ARB2A: variants seen among roughly 807,000 people sequenced by gnomAD.
ARB2A encodes cotranscriptional regulator ARB2A.
the ARB2A span, chr5:93,776,059 TA>T: frequency 2.1e-6 from 2 of 973,000 alleles, no homozygotes; most frequent in South Asian, 1.8e-5. Flanking sequence ...AACTCAAAGA[TA>T]AAAACAAACT....
At chr5:93,808,485 A>G in the ARB2A span, among the ~76,000 whole-genome samples, 1 of 152,002 alleles carries the variant, frequency 6.6e-6, no homozygotes, top group East Asian at 1.9e-4. Context: ...AATCATTCAA[A>G]ATGTAAAATT....
At chr5:93,693,843 A>G in the ARB2A span, among the ~76,000 whole-genome samples, 23 of 152,162 alleles carry the variant, frequency 1.5e-4, no homozygotes, top group African/African-American at 5.3e-4. Flanking sequence ...CTTATCCACC[A>G]CGATGTAGTC....
the ARB2A span, among the ~76,000 whole-genome samples, chr5:93,760,852 C>T: frequency 5.3e-5 from 8 of 152,164 alleles, no homozygotes; most frequent in South Asian, 1.7e-3. Context: ...ACAAGGATTT[C>T]ATGACCAAGA....
At chr5:93,905,337 T>A in the ARB2A span, among the ~76,000 whole-genome samples, 2 of 151,646 alleles carry the variant, frequency 1.3e-5, no homozygotes, top group African/African-American at 4.8e-5. Context: ...CCAGTCTCTA[T>A]TAATTCTAGT....
the ARB2A span, among the ~76,000 whole-genome samples, chr5:93,745,696 C>T: frequency 6.6e-6 from 1 of 151,872 alleles, no homozygotes; most frequent in Non-Finnish European, 1.5e-5. Flanking sequence ...TTCTTTTTGA[C>T]TGCAATAAAG....
chr5:93,793,570 C>A, the ARB2A span, among the ~76,000 whole-genome samples: 1 of 152,062 alleles, frequency 6.6e-6, no homozygotes, highest in Non-Finnish European at 1.5e-5. Context: ...TGGCAAATAA[C>A]AGGTGCTCAA....
chr5:93,921,396 T>C, the ARB2A span, among the ~76,000 whole-genome samples: 1 of 152,156 alleles, frequency 6.6e-6, no homozygotes, highest in African/African-American at 2.4e-5. Flanking sequence ...CTGGAGAATT[T>C]AGTGCCAGTA....
At chr5:93,931,077 C>G in the ARB2A span, among the ~76,000 whole-genome samples, 1 of 152,140 alleles carries the variant, frequency 6.6e-6, no homozygotes, top group African/African-American at 2.4e-5. Flanking sequence ...TGAGTAAGAA[C>G]ATGTGGTGTT....
chr5:93,963,818 G>C, the ARB2A span, among the ~76,000 whole-genome samples: 3 of 151,928 alleles, frequency 2.0e-5, no homozygotes, highest in Non-Finnish European at 2.9e-5. Context: ...TCATTTTAAA[G>C]CTTAATATTT....
At chr5:93,631,045 T>C in the ARB2A span, among the ~76,000 whole-genome samples, 3 of 151,996 alleles carry the variant, frequency 2.0e-5, no homozygotes, top group Non-Finnish European at 4.4e-5. Context: ...GGCGTGCACC[T>C]GGCTAATTTT....
the ARB2A span, among the ~76,000 whole-genome samples, chr5:93,948,689 A>C: frequency 1.3e-5 from 2 of 152,160 alleles, no homozygotes; most frequent in African/African-American, 2.4e-5. Flanking sequence ...TTTTTGTATA[A>C]GGTGTAAGGA....
At chr5:93,747,155 G>C in the ARB2A span, among the ~76,000 whole-genome samples, 2 of 152,060 alleles carry the variant, frequency 1.3e-5, no homozygotes, top group South Asian at 4.1e-4. Flanking sequence ...TTATGACCAA[G>C]GAAACTAGTA....
At chr5:94,013,337 C>A in the ARB2A span, among the ~76,000 whole-genome samples, 1 of 151,906 alleles carries the variant, frequency 6.6e-6, no homozygotes, top group African/African-American at 2.4e-5. Context: ...GCCACCACGC[C>A]CAGCTAATTT....
chr5:93,716,790 C>T, the ARB2A span, among the ~76,000 whole-genome samples: 1 of 148,936 alleles, frequency 6.7e-6, no homozygotes, highest in Non-Finnish European at 1.5e-5. Context: ...CCTCAAATGA[C>T]TCTGCTGTTC....
At chr5:94,089,222 T>TA in the ARB2A span, among the ~76,000 whole-genome samples, 21 of 152,340 alleles carry the variant, frequency 1.4e-4, no homozygotes, top group South Asian at 4.3e-3. Context: ...GCATGAGAGT[T>TA]AAACTTCCTT....
At chr5:93,985,161 T>C in the ARB2A span, among the ~76,000 whole-genome samples, 1 of 152,200 alleles carries the variant, frequency 6.6e-6, no homozygotes, top group Non-Finnish European at 1.5e-5. Flanking sequence ...CCCCTCTTTC[T>C]TATAGCAGAC....
At chr5:93,933,217 A>G in the ARB2A span, among the ~76,000 whole-genome samples, 1 of 152,148 alleles carries the variant, frequency 6.6e-6, no homozygotes, top group Non-Finnish European at 1.5e-5. Context: ...ATGTAAATTA[A>G]TTCAACCATT....
the ARB2A span, among the ~76,000 whole-genome samples, chr5:93,630,782 C>CA: frequency 6.6e-6 from 1 of 151,984 alleles, no homozygotes; most frequent in South Asian, 2.1e-4. Flanking sequence ...ACCAAAAATA[C>CA]AAAAAAATTA....
the ARB2A span, among the ~76,000 whole-genome samples, chr5:93,666,782 G>A: frequency 6.6e-6 from 1 of 152,274 alleles, no homozygotes; most frequent in Admixed American, 6.5e-5. Context: ...TTTCTTTTAA[G>A]TTTGGCTCAA....
Sources: gnomAD v4.1 joint callset for allele counts (sites outside exome capture counted in the v4.1 genomes callset) on GRCh38, gnomAD v4.1.1 for gene constraint, MANE v1.5 for transcripts, NCBI Gene and HGNC (gene_info 2026-07-23, HGNC 2026-07-21) for gene names.